Variants in LINGO2 observed in about 807,000 individuals in gnomAD.
LINGO2 encodes leucine rich repeat and Ig domain containing 2.
Under a neutral mutation model 30.6 loss-of-function variants are expected in LINGO2, and 14 were observed. That is an observed-to-expected ratio of 0.46 (90% CI 0.30 to 0.72). The LOEUF is 0.72. Among genes scored for constraint, LINGO2 ranks in the 30% least tolerant of loss-of-function variants. The pLI, the probability that LINGO2 is intolerant of heterozygous loss-of-function variation, is 0.07. For synonymous variants in LINGO2, 317 were observed against 288.5 expected (o/e 1.10, Z -1.00); for missense variants, 729 against 751.7 (o/e 0.97, Z 0.35).
At chr9:28,990,219 G>C in the LINGO2 span, among the ~76,000 whole-genome samples, 1 of 152,226 alleles carries the variant, frequency 6.6e-6, no homozygotes, top group Non-Finnish European at 1.5e-5. Flanking sequence ...ATCCGGCTCG[G>C]AGGGTCCTAC....
intron 1 of LINGO2, among the ~76,000 whole-genome samples, chr9:28,509,349 C>G (rs1017206802): frequency 6.6e-6 from 1 of 152,184 alleles, no homozygotes; most frequent in Admixed American, 6.6e-5. Context: ...GAAACTCCTT[C>G]CTATGACAGT....
the LINGO2 span, among the ~76,000 whole-genome samples, chr9:29,150,715 G>A: frequency 6.6e-6 from 1 of 152,174 alleles, no homozygotes; most frequent in South Asian, 2.1e-4. Context: ...CAATTTTTTT[G>A]ATTTAACGAA....
At chr9:28,418,982 A>T (rs186726767) in intron 2 of LINGO2, among the ~76,000 whole-genome samples, 1 of 152,172 alleles carries the variant, frequency 6.6e-6, no homozygotes, top group Admixed American at 6.5e-5. Context: ...ATGATCAATT[A>T]CTGAAGTCAT....
intron 4 of LINGO2, among the ~76,000 whole-genome samples, chr9:28,260,661 GC>G (rs1822534207): frequency 6.6e-6 from 1 of 151,846 alleles, no homozygotes; most frequent in African/African-American, 2.4e-5. Context: ...TATGTAGCAA[GC>G]TTTATACCTA....
intron 1 of LINGO2, among the ~76,000 whole-genome samples, chr9:28,529,701 C>A (rs1206725949): frequency 6.7e-6 from 1 of 148,520 alleles, no homozygotes; most frequent in African/African-American, 2.5e-5. Flanking sequence ...AAAGGTGGAT[C>A]GGGTAGGTTG....
At chr9:28,969,378 T>C in the LINGO2 span, among the ~76,000 whole-genome samples, 1 of 152,086 alleles carries the variant, frequency 6.6e-6, no homozygotes, top group Non-Finnish European at 1.5e-5. Context: ...GTGGGCCCTG[T>C]GCTGGTAACT....
At chr9:29,043,970 T>C in the LINGO2 span, among the ~76,000 whole-genome samples, 3 of 152,070 alleles carry the variant, frequency 2.0e-5, no homozygotes, top group Non-Finnish European at 4.4e-5. Context: ...TGCCACTGTG[T>C]ATTTCTTTTG....
chr9:28,779,623 G>A, the LINGO2 span, among the ~76,000 whole-genome samples: 1 of 152,136 alleles, frequency 6.6e-6, no homozygotes, highest in Non-Finnish European at 1.5e-5. Context: ...GGAAAAGAGT[G>A]TACAATATCA....
chr9:28,178,158 G>T (rs1828799653), intron 4 of LINGO2, among the ~76,000 whole-genome samples: 1 of 152,078 alleles, frequency 6.6e-6, no homozygotes, highest in Non-Finnish European at 1.5e-5. Flanking sequence ...GCAAAACATT[G>T]TCTATCTGCC....
At chr9:28,058,497 A>G (rs1020901474) in intron 4 of LINGO2, among the ~76,000 whole-genome samples, 2 of 152,188 alleles carry the variant, frequency 1.3e-5, no homozygotes, top group Non-Finnish European at 2.9e-5. Context: ...AAATAAACTT[A>G]TAGTTTCTCT....
chr9:28,718,641 C>T, the LINGO2 span, among the ~76,000 whole-genome samples: 1 of 151,988 alleles, frequency 6.6e-6, no homozygotes, highest in Non-Finnish European at 1.5e-5. Context: ...TTCTCAGAAA[C>T]TCCATTTGTT....
At chr9:28,885,517 C>T in the LINGO2 span, among the ~76,000 whole-genome samples, 1 of 149,040 alleles carries the variant, frequency 6.7e-6, no homozygotes, top group African/African-American at 2.5e-5. Flanking sequence ...TCTGTGTGTA[C>T]ATATGACAAC....
exon 6 of LINGO2, chr9:27,950,091 G>T: frequency 1.9e-6 from 3 of 1,614,066 alleles, no homozygotes; most frequent in Non-Finnish European, 2.5e-6. Context: ...GAGGGCTTCT[G>T]TTGGTACTGC....
chr9:27,991,243 A>G (rs1274687592), intron 5 of LINGO2, among the ~76,000 whole-genome samples: 7 of 151,982 alleles, frequency 4.6e-5, no homozygotes, highest in Admixed American at 2.0e-4. Context: ...AACAACAACA[A>G]CAAAGGATTT....
At chr9:28,512,642 CAT>C (rs1199156646) in intron 1 of LINGO2, among the ~76,000 whole-genome samples, 1,657 of 61,970 alleles carry the variant, frequency 0.027, 100 homozygotes, top group African/African-American at 0.11. Flanking sequence ...TATATACACA[CAT>C]ACATACACAC....
intron 2 of LINGO2, among the ~76,000 whole-genome samples, chr9:28,463,373 C>T (rs1206494800): frequency 6.6e-6 from 1 of 150,790 alleles, no homozygotes; most frequent in Admixed American, 6.6e-5. Flanking sequence ...ACCAAAAGGC[C>T]AAAAAATATA....
At chr9:28,947,268 G>T in the LINGO2 span, among the ~76,000 whole-genome samples, 3 of 151,936 alleles carry the variant, frequency 2.0e-5, no homozygotes, top group Admixed American at 1.3e-4. Context: ...ACTCTTCATG[G>T]ATAGTGCCAT....
At chr9:28,774,991 CT>C in the LINGO2 span, among the ~76,000 whole-genome samples, 60,085 of 151,718 alleles carry the variant, frequency 0.4, 12,617 homozygotes, top group African/African-American at 0.54. Flanking sequence ...CAAAGCTTTG[CT>C]TTTTTAGTAT....
At chr9:28,297,895 T>C (rs1823983634) in intron 3 of LINGO2, among the ~76,000 whole-genome samples, 2 of 152,222 alleles carry the variant, frequency 1.3e-5, no homozygotes, top group Admixed American at 1.3e-4. Context: ...ACATCCAAGT[T>C]AACAGACTTT....
Sources: allele counts gnomAD v4.1 joint callset (sites outside exome capture counted in the v4.1 genomes callset), GRCh38; gene constraint gnomAD v4.1.1; transcripts MANE v1.5; gene names NCBI Gene and HGNC (gene_info 2026-07-23, HGNC 2026-07-21).